The following PPP1R9A variants were observed in gnomAD, a reference collection of about 807,000 sequenced individuals.
PPP1R9A encodes the protein neurabin-1.
Under a neutral mutation model 141.9 loss-of-function variants are expected in PPP1R9A, and 59 were observed. The ratio of observed to expected loss-of-function variants is 0.42; its 90% CI spans 0.34 to 0.52. The LOEUF (loss-of-function observed/expected upper bound fraction) is 0.52, where lower values mean the gene tolerates loss of function less well. Among genes scored for constraint, PPP1R9A ranks in the 20% least tolerant of loss-of-function variants. PPP1R9A has a pLI of 0.10. For synonymous variants in PPP1R9A, 500 were observed against 569.7 expected (o/e 0.88, Z 1.74); for missense variants, 1,444 against 1,611.9 (o/e 0.90, Z 1.78).
At chr7:95,205,987 T>A (rs377531106) in intron 7 of PPP1R9A, among the ~76,000 whole-genome samples, 2 of 152,268 alleles carry the variant, frequency 1.3e-5, no homozygotes, top group East Asian at 3.9e-4. Flanking sequence ...AACGTGCATA[T>A]TTTAGCCCTT....
At chr7:94,989,661 C>G (rs992389054) in intron 2 of PPP1R9A, among the ~76,000 whole-genome samples, 1 of 152,100 alleles carries the variant, frequency 6.6e-6, no homozygotes, top group Non-Finnish European at 1.5e-5. Flanking sequence ...CCAAACTCCT[C>G]AGGTGATTCT....
intron 10 of PPP1R9A, 116 bp from the exon 11 acceptor site, chr7:95,251,646 T>C (rs1172338242): frequency 6.5e-6 from 6 of 916,074 alleles, no homozygotes; most frequent in African/African-American, 1.7e-5. Flanking sequence ...TGATTGAATG[T>C]TGTCCATTTA....
At chr7:95,288,262 G>A (rs1805713709) in intron 18 of PPP1R9A, among the ~76,000 whole-genome samples, 1 of 152,136 alleles carries the variant, frequency 6.6e-6, no homozygotes, top group Non-Finnish European at 1.5e-5. Flanking sequence ...CTGTTTTGAT[G>A]TAAAAGCTTG....
chr7:95,141,324 AT>A (rs1826639203), intron 4 of PPP1R9A, among the ~76,000 whole-genome samples: 1 of 152,148 alleles, frequency 6.6e-6, no homozygotes, highest in Non-Finnish European at 1.5e-5. Context: ...GTTCTCTAAG[AT>A]TTATTTTTTT....
At chr7:95,059,794 C>T (rs917360669) in intron 2 of PPP1R9A, among the ~76,000 whole-genome samples, 7 of 152,154 alleles carry the variant, frequency 4.6e-5, no homozygotes, top group African/African-American at 1.7e-4. Context: ...TAGCTTCCTT[C>T]ATTCCTAATG....
At chr7:95,013,679 C>T (rs1477570179) in intron 2 of PPP1R9A, among the ~76,000 whole-genome samples, 1 of 152,032 alleles carries the variant, frequency 6.6e-6, no homozygotes, top group Non-Finnish European at 1.5e-5. Flanking sequence ...ATAATTAGTG[C>T]TTGTGCTTAT....
At chr7:95,165,962 A>G (rs922651365) in intron 5 of PPP1R9A, among the ~76,000 whole-genome samples, 1 of 152,168 alleles carries the variant, frequency 6.6e-6, no homozygotes, top group African/African-American at 2.4e-5. Flanking sequence ...AGCCTGGCCA[A>G]CATAGTAAAA....
chr7:94,929,278 A>C (rs1356279230), intron 2 of PPP1R9A, among the ~76,000 whole-genome samples: 1 of 152,168 alleles, frequency 6.6e-6, no homozygotes, highest in East Asian at 1.9e-4. Context: ...AGAGACGGAC[A>C]CGTAAGTCAC....
chr7:94,974,811 T>G (rs1030992980), intron 2 of PPP1R9A, among the ~76,000 whole-genome samples: 1 of 152,132 alleles, frequency 6.6e-6, no homozygotes, highest in African/African-American at 2.4e-5. Context: ...AACTCATAAA[T>G]AAGTCAAGAC....
chr7:95,271,783 G>T (rs910735790), intron 14 of PPP1R9A, among the ~76,000 whole-genome samples: 5 of 152,136 alleles, frequency 3.3e-5, no homozygotes, highest in African/African-American at 1.2e-4. Context: ...TGGTCACAAA[G>T]GTAGTATTGG....
chr7:94,961,920 T>C (rs1016781980), intron 2 of PPP1R9A, among the ~76,000 whole-genome samples: 1 of 151,912 alleles, frequency 6.6e-6, no homozygotes, highest in African/African-American at 2.4e-5. Flanking sequence ...TTATAAATAT[T>C]TCAATGCCTA....
At chr7:95,210,918 G>A (rs1012910349) in intron 7 of PPP1R9A, among the ~76,000 whole-genome samples, 3 of 152,054 alleles carry the variant, frequency 2.0e-5, no homozygotes, top group Non-Finnish European at 2.9e-5. Context: ...AACACCGCAT[G>A]TTCTCACTCA....
rs184722870 is a variant in PPP1R9A, at chr7:95,202,628, C to G, written c.1891-1037C>G. The G allele has an allele frequency of 3.2e-5, 29 of 900,530 alleles. No homozygotes were observed. In the East Asian group the frequency reaches 2.3e-3, roughly 71 times the overall value. 55.8% of individuals were successfully genotyped at this position (900,530 alleles called of 1,614,324 possible). A position where few individuals can be genotyped will look rare whatever the true frequency, so the allele number is the denominator to read the frequency against. ...ACAATCAGCACTATTTCATGACACT[C>G]GGGGGGTATGATAAATTTTTCAACT... On this transcript the variant is annotated intron_variant, in intron 6 of 19. Transcript: ENST00000433360.
At chr7:95,181,717 TCACATATATATAGAATATATATATATTCC>T (rs1833869854) in intron 5 of PPP1R9A, among the ~76,000 whole-genome samples, 4 of 130,898 alleles carry the variant, frequency 3.1e-5, no homozygotes, top group African/African-American at 5.8e-5. Context: ...ATATATTCCG[TCACATATATATAGAATATATATATATTCC>T]GTCACATATA....
intron 3 of PPP1R9A, among the ~76,000 whole-genome samples, chr7:95,112,305 A>G (rs1035343971): frequency 6.6e-6 from 1 of 152,192 alleles, no homozygotes; most frequent in African/African-American, 2.4e-5. Flanking sequence ...AACAAACATG[A>G]AAAAACACTC....
intron 2 of PPP1R9A, among the ~76,000 whole-genome samples, chr7:94,922,159 A>G (rs1000074881): frequency 2.0e-5 from 3 of 150,844 alleles, no homozygotes; most frequent in Non-Finnish European, 3.0e-5. Context: ...ATTATTTTAA[A>G]GCCCTTTATA....
intron 2 of PPP1R9A, among the ~76,000 whole-genome samples, chr7:95,012,392 A>C (rs1429400586): frequency 6.6e-6 from 1 of 152,098 alleles, no homozygotes; most frequent in Non-Finnish European, 1.5e-5. Flanking sequence ...AATAGTGCTA[A>C]ACCATTCATG....
At chr7:95,274,249 T>A in intron 16 of PPP1R9A, 81 bp downstream of exon 16, 1 of 1,274,214 alleles carries the variant, frequency 7.8e-7, no homozygotes, top group Non-Finnish European at 1.1e-6. Flanking sequence ...CCAAAATCAG[T>A]GGTCAGTATC....
At chr7:95,062,572 G>C (rs1812381976) in intron 2 of PPP1R9A, among the ~76,000 whole-genome samples, 1 of 151,838 alleles carries the variant, frequency 6.6e-6, no homozygotes, top group South Asian at 2.1e-4. Flanking sequence ...ATTTTTAGTA[G>C]AGATGGGGTT....
Sources: gnomAD v4.1 joint callset for allele counts (sites outside exome capture counted in the v4.1 genomes callset) on GRCh38, gnomAD v4.1.1 for gene constraint, MANE v1.5 for transcripts, NCBI Gene and HGNC (gene_info 2026-07-23, HGNC 2026-07-21) for gene names.